Variants in MATN2 observed in about 807,000 individuals in gnomAD.
MATN2 encodes the protein matrilin-2.
In MATN2, 69 loss-of-function variants were observed where a neutral mutation model predicts 103.2. The observed-to-expected ratio is 0.67, with a 90% CI of 0.55 to 0.82. The LOEUF (loss-of-function observed/expected upper bound fraction) is 0.82. Ranked by LOEUF, MATN2 falls within the 40% of genes least tolerant of loss-of-function variation. MATN2 has a pLI of 0.00. For missense variants in MATN2, 1,023 were observed against 1,211.5 expected, an observed-to-expected ratio of 0.84 and a Z score of 2.31; for synonymous variants, 429 against 450.2, an observed-to-expected ratio of 0.95 and a Z score of 0.60.
intron 2 of MATN2, among the ~76,000 whole-genome samples, chr8:97,903,174 C>A (rs1293703450): frequency 2.0e-5 from 3 of 152,198 alleles, no homozygotes; most frequent in Admixed American, 6.5e-5. Context: ...GTAATCAACA[C>A]AGACTTGCAT....
At chr8:98,019,580 ATAGCC>A (rs1239982859) in intron 12 of MATN2, among the ~76,000 whole-genome samples, 2 of 152,222 alleles carry the variant, frequency 1.3e-5, no homozygotes, top group African/African-American at 4.8e-5. Flanking sequence ...ACTGGGCACT[ATAGCC>A]TAGCCAAAGT....
At chr8:97,898,471 C>T (rs1818885902) in intron 2 of MATN2, among the ~76,000 whole-genome samples, 1 of 151,922 alleles carries the variant, frequency 6.6e-6, no homozygotes, top group Non-Finnish European at 1.5e-5. Context: ...GTGGTGGGCA[C>T]CTGTAATCCC....
At chr8:97,917,173 T>C (rs188092666) in intron 2 of MATN2, among the ~76,000 whole-genome samples, 28 of 152,236 alleles carry the variant, frequency 1.8e-4, no homozygotes, top group Admixed American at 1.8e-3. Context: ...AACAAAATCT[T>C]ACCATGGCAT....
At chr8:98,015,143 C>T (rs1335329341) in intron 10 of MATN2, among the ~76,000 whole-genome samples, 1 of 152,164 alleles carries the variant, frequency 6.6e-6, no homozygotes, top group Admixed American at 6.5e-5. Context: ...ACTCTTCTGT[C>T]CTATCCATAT....
At position 97,903,706 on chromosome 8, in the gene MATN2, G is replaced by T. The variant is rs149343583; in HGVS notation, c.142+15464G>T. ...CCAGCCTGTGTCAGCTAGCAAAAGA[G>T]GGGTTTTGGGTCTATTTTGGGGTCA... On this transcript the variant is annotated intron_variant, in intron 2 of 18. Transcript: ENST00000254898. 4.5e-3 allele frequency among the ~76,000 whole-genome samples: 685 copies of T among 152,260 alleles called. 6 individuals carry two copies. Among genetic ancestry groups the T allele is most frequent in the African/African-American group, 0.016 (661 of 41,560 alleles).
intron 1 of MATN2, among the ~76,000 whole-genome samples, chr8:97,875,700 T>G (rs1304909344): frequency 7.5e-6 from 1 of 132,872 alleles, no homozygotes; most frequent in African/African-American, 2.8e-5. Context: ...GTTTTTTTTT[T>G]TTTTTTTTTT....
At chr8:98,004,363 T>C (rs986452610) in intron 8 of MATN2, 1 of 154,972 alleles carries the variant, frequency 6.5e-6, no homozygotes, top group African/African-American at 2.4e-5. Flanking sequence ...AAATGTTAAC[T>C]AATATTAGTA....
chr8:97,991,961 C>T (rs1482463050), intron 6 of MATN2, among the ~76,000 whole-genome samples: 4 of 152,096 alleles, frequency 2.6e-5, no homozygotes, highest in Admixed American at 1.3e-4. Context: ...GATATGAAAA[C>T]GAGATACAAT....
chr8:97,872,147 G>A (rs781467014), intron 1 of MATN2, among the ~76,000 whole-genome samples: 3 of 152,150 alleles, frequency 2.0e-5, no homozygotes, highest in Non-Finnish European at 4.4e-5. Flanking sequence ...TCAAATGGGC[G>A]TGATACTATG....
At chr8:97,883,797 G>T (rs1818334046) in intron 1 of MATN2, among the ~76,000 whole-genome samples, 1 of 152,016 alleles carries the variant, frequency 6.6e-6, no homozygotes, top group Admixed American at 6.6e-5. Flanking sequence ...CTCGTGATCT[G>T]CCCACCTCAG....
intron 2 of MATN2, among the ~76,000 whole-genome samples, chr8:97,916,507 T>G (rs928809924): frequency 1.8e-4 from 28 of 152,270 alleles, no homozygotes; most frequent in Admixed American, 1.8e-3. Flanking sequence ...CTATTACCCA[T>G]TAGTTATTTT....
At chr8:97,976,738 ACT>A (rs1811848418) in intron 5 of MATN2, among the ~76,000 whole-genome samples, 1 of 144,844 alleles carries the variant, frequency 6.9e-6, no homozygotes, top group African/African-American at 2.5e-5. Flanking sequence ...ATTTCCAAAA[ACT>A]TTTTTTTTTT....
At chr8:98,003,354 A>G (rs1184565691) in intron 7 of MATN2, among the ~76,000 whole-genome samples, 6 of 152,098 alleles carry the variant, frequency 3.9e-5, no homozygotes, top group Non-Finnish European at 8.8e-5. Flanking sequence ...CTCTCACCCC[A>G]GGACTCAGTG....
intron 2 of MATN2, among the ~76,000 whole-genome samples, chr8:97,922,817 G>A (rs1809856807): frequency 6.6e-6 from 1 of 152,130 alleles, no homozygotes; most frequent in Non-Finnish European, 1.5e-5. Flanking sequence ...CTTCCAGACT[G>A]GCTTGATCTG....
chr8:97,893,445 TTC>T (rs1491248349), intron 2 of MATN2, among the ~76,000 whole-genome samples: 2 of 152,180 alleles, frequency 1.3e-5, no homozygotes, highest in African/African-American at 4.8e-5. Context: ...TGCACACTTT[TTC>T]TCTTTGTTAC....
chr8:98,015,335 C>T (rs998903340), intron 10 of MATN2, among the ~76,000 whole-genome samples: 1 of 152,162 alleles, frequency 6.6e-6, no homozygotes, highest in African/African-American at 2.4e-5. Context: ...TCATGCCACT[C>T]CACTGCTCAA....
intron 4 of MATN2, 126 bp downstream of exon 4, chr8:97,942,025 A>G: frequency 8.1e-7 from 1 of 1,235,836 alleles, no homozygotes; most frequent in Admixed American, 2.1e-5. Context: ...CCTTGGGGAC[A>G]GAAATAAAGT....
intron 6 of MATN2, among the ~76,000 whole-genome samples, chr8:97,984,641 G>A (rs537774686): frequency 4.6e-5 from 7 of 152,166 alleles, no homozygotes; most frequent in Admixed American, 2.0e-4. Flanking sequence ...AGGGTCCCCC[G>A]TGTTTCTTCA....
At chr8:97,927,892 C>G (rs1463116096) in intron 2 of MATN2, among the ~76,000 whole-genome samples, 1 of 152,210 alleles carries the variant, frequency 6.6e-6, no homozygotes, top group Non-Finnish European at 1.5e-5. Context: ...CAAAGATCTC[C>G]AAAGGAAGAG....
Sources: allele counts gnomAD v4.1 joint callset (sites outside exome capture counted in the v4.1 genomes callset), GRCh38; gene constraint gnomAD v4.1.1; transcripts MANE v1.5; gene names NCBI Gene and HGNC (gene_info 2026-07-23, HGNC 2026-07-21).